EDIL3: variants seen among roughly 807,000 people sequenced by gnomAD.
EDIL3 encodes EGF-like repeat and discoidin I-like domain-containing protein 3.
In EDIL3, 37 loss-of-function variants were observed where a neutral mutation model predicts 67.4. That is an observed-to-expected ratio of 0.55 (90% CI 0.42 to 0.72). The LOEUF (loss-of-function observed/expected upper bound fraction) is 0.72, where lower values mean the gene tolerates loss of function less well. EDIL3 is among the 30% of genes least tolerant of loss of function. EDIL3 has a pLI of 0.00. For missense variants in EDIL3, 527 were observed against 586.3 expected (o/e 0.90, Z 1.04); for synonymous variants, 195 against 196.3 (o/e 0.99, Z 0.05).
chr5:84,027,415 A>C (rs1474585818), intron 9 of EDIL3, among the ~76,000 whole-genome samples: 1 of 152,214 alleles, frequency 6.6e-6, no homozygotes, highest in Non-Finnish European at 1.5e-5. Context: ...AAGAATTCAG[A>C]GAAGGGAAGC....
intron 1 of EDIL3, among the ~76,000 whole-genome samples, chr5:84,290,124 CA>C (rs201576206): frequency 0.014 from 2,067 of 152,242 alleles, 55 homozygotes; most frequent in African/African-American, 0.048. Flanking sequence ...CCTCCCTACT[CA>C]TTCTCCTGCC....
At chr5:84,009,359 G>A (rs1402176619) in intron 9 of EDIL3, among the ~76,000 whole-genome samples, 1 of 152,130 alleles carries the variant, frequency 6.6e-6, no homozygotes, top group Non-Finnish European at 1.5e-5. Context: ...AGAACAGATG[G>A]AGCCGGTGGG....
chr5:84,216,614 T>C (rs572264960), intron 3 of EDIL3, among the ~76,000 whole-genome samples: 1 of 152,360 alleles, frequency 6.6e-6, no homozygotes, highest in South Asian at 2.1e-4. Flanking sequence ...AGTGTTCTCC[T>C]CTTTAAATTA....
intron 7 of EDIL3, among the ~76,000 whole-genome samples, 181 bp downstream of exon 7, chr5:84,066,270 T>C (rs536834271): frequency 1.2e-4 from 18 of 152,262 alleles, no homozygotes; most frequent in South Asian, 4.1e-4. Flanking sequence ...ATGTCAGCCA[T>C]TTTAAGTTTA....
chr5:84,242,374 A>G (rs527956126), intron 2 of EDIL3, among the ~76,000 whole-genome samples: 7 of 152,198 alleles, frequency 4.6e-5, no homozygotes, highest in East Asian at 3.9e-4. Flanking sequence ...CAAGATTTCA[A>G]CTCAGCCTGG....
chr5:84,367,098 G>A (rs779240036), intron 1 of EDIL3, among the ~76,000 whole-genome samples: 11 of 152,166 alleles, frequency 7.2e-5, no homozygotes, highest in Non-Finnish European at 1.6e-4. Context: ...AGCATTTAGT[G>A]TATAATACAT....
At chr5:83,980,951 C>T (rs1188376708) in intron 9 of EDIL3, among the ~76,000 whole-genome samples, 1 of 151,804 alleles carries the variant, frequency 6.6e-6, no homozygotes, top group African/African-American at 2.4e-5. Flanking sequence ...ATGCAAGACT[C>T]ATACAGTAAA....
chr5:84,226,737 T>C (rs564552256), intron 3 of EDIL3, among the ~76,000 whole-genome samples: 1 of 152,116 alleles, frequency 6.6e-6, no homozygotes, highest in Admixed American at 6.6e-5. Context: ...AGCACATTTG[T>C]TCTATTTTAA....
At chr5:83,953,202 A>G (rs1250386214) in intron 10 of EDIL3, among the ~76,000 whole-genome samples, 1 of 151,870 alleles carries the variant, frequency 6.6e-6, no homozygotes, top group Non-Finnish European at 1.5e-5. Flanking sequence ...TATTTTGAAT[A>G]TACTTATACT....
chr5:84,204,287 C>G (rs537919458), intron 3 of EDIL3, among the ~76,000 whole-genome samples: 81 of 152,210 alleles, frequency 5.3e-4, no homozygotes, highest in Non-Finnish European at 7.4e-4. Flanking sequence ...TGCATACCCT[C>G]AAAACTAACA....
At chr5:83,956,945 G>T (rs1469451518) in intron 10 of EDIL3, among the ~76,000 whole-genome samples, 1 of 151,392 alleles carries the variant, frequency 6.6e-6, no homozygotes, top group African/African-American at 2.4e-5. Context: ...ATAATATAAT[G>T]GTCTTCTTAA....
At chr5:84,032,965 C>T (rs1373522295) in intron 9 of EDIL3, among the ~76,000 whole-genome samples, 1 of 152,154 alleles carries the variant, frequency 6.6e-6, no homozygotes, top group Non-Finnish European at 1.5e-5. Flanking sequence ...GGCATGCTCA[C>T]CAAGGCATGG....
At chr5:84,323,562 C>T (rs1373395816) in intron 1 of EDIL3, among the ~76,000 whole-genome samples, 3 of 151,904 alleles carry the variant, frequency 2.0e-5, no homozygotes, top group Non-Finnish European at 4.4e-5. Flanking sequence ...ATATATCCCT[C>T]TTTATCAGTA....
At chr5:84,338,984 AT>A (rs539851158) in intron 1 of EDIL3, among the ~76,000 whole-genome samples, 427 of 152,002 alleles carry the variant, frequency 2.8e-3, no homozygotes, top group African/African-American at 0.01. Context: ...ATCTGTCACT[AT>A]TCATCCCTCC....
intron 9 of EDIL3, among the ~76,000 whole-genome samples, chr5:83,990,485 C>T (rs939332687): frequency 1.0e-5 from 1 of 99,270 alleles, no homozygotes; most frequent in African/African-American, 4.0e-5. Flanking sequence ...GACTCCATCA[C>T]AAAAAAAAAA....
At chr5:84,097,813 G>T (rs567228700) in intron 6 of EDIL3, among the ~76,000 whole-genome samples, 15 of 151,598 alleles carry the variant, frequency 9.9e-5, no homozygotes, top group Non-Finnish European at 1.9e-4. Context: ...AGCTATAAAA[G>T]AAAAGAAAAA....
chr5:84,104,631 T>A (rs1156600594), intron 6 of EDIL3, among the ~76,000 whole-genome samples: 1 of 151,952 alleles, frequency 6.6e-6, no homozygotes, highest in African/African-American at 2.4e-5. Context: ...AAGCAAATTA[T>A]CATCATCCCA....
chr5:84,371,090 A>T (rs2112212019), intron 1 of EDIL3, among the ~76,000 whole-genome samples: 1 of 151,880 alleles, frequency 6.6e-6, no homozygotes, highest in Admixed American at 6.6e-5. Flanking sequence ...GAGCAAATAA[A>T]TGATTATATA....
intron 9 of EDIL3, among the ~76,000 whole-genome samples, chr5:84,005,944 T>C (rs1427480054): frequency 1.3e-5 from 2 of 151,972 alleles, no homozygotes. Context: ...GCTTACTAGC[T>C]CCTAGATGTG....
Sources: allele counts gnomAD v4.1 joint callset (sites outside exome capture counted in the v4.1 genomes callset), GRCh38; gene constraint gnomAD v4.1.1; transcripts MANE v1.5; gene names NCBI Gene and HGNC (gene_info 2026-07-23, HGNC 2026-07-21).